Variants in CSMD3 observed in about 807,000 individuals in gnomAD.
CSMD3 encodes CUB and sushi domain-containing protein 3.
In CSMD3, 177 loss-of-function variants were observed where a neutral mutation model predicts 435.2. The ratio of observed to expected loss-of-function variants is 0.41; its 90% CI spans 0.36 to 0.46. The LOEUF is 0.46. Ranked by LOEUF, CSMD3 falls within the 20% of genes least tolerant of loss-of-function variation. CSMD3 has a pLI of 0.34. For synonymous variants in CSMD3, 1,656 were observed against 1,520.5 expected (o/e 1.09, Z -2.07); for missense variants, 4,265 against 4,504.6 (o/e 0.95, Z 1.52).
intron 14 of CSMD3, among the ~76,000 whole-genome samples, chr8:112,687,311 C>T (rs939349674): frequency 6.6e-6 from 1 of 151,854 alleles, no homozygotes; most frequent in Non-Finnish European, 1.5e-5. Flanking sequence ...AGATTTCTTA[C>T]TTTTGTTAGA....
At chr8:112,316,318 C>A (rs1183762560) in intron 47 of CSMD3, among the ~76,000 whole-genome samples, 1 of 151,532 alleles carries the variant, frequency 6.6e-6, no homozygotes, top group Non-Finnish European at 1.5e-5. Context: ...GGTATCAGGT[C>A]ATTCTTTCTC....
intron 10 of CSMD3, among the ~76,000 whole-genome samples, chr8:112,876,419 G>A (rs940769003): frequency 1.3e-5 from 2 of 152,152 alleles, no homozygotes; most frequent in Non-Finnish European, 2.9e-5. Context: ...GAAGATCGAT[G>A]TGAAAATTCT....
chr8:112,885,260 GA>G (rs1256251755), intron 10 of CSMD3, among the ~76,000 whole-genome samples: 1 of 151,446 alleles, frequency 6.6e-6, no homozygotes, highest in Non-Finnish European at 1.5e-5. Context: ...CCAAGTAGCA[GA>G]ATGACAGTAC....
At chr8:112,951,576 ATTG>A (rs1290753672) in intron 8 of CSMD3, among the ~76,000 whole-genome samples, 17 of 151,770 alleles carry the variant, frequency 1.1e-4, no homozygotes, top group African/African-American at 3.4e-4. Flanking sequence ...TCAACATTGT[ATTG>A]TTGTTTTTTA....
rs564570455 is a variant in CSMD3 at position 113,271,071 on chromosome 8, T to G, written c.514+7521A>C. On this transcript the variant is annotated intron_variant, in intron 3 of 70. Transcript: ENST00000297405. Reference sequence around the variant, plus strand: ...CAGAGGGATATTTTAGGGTATCTGGTAGAAGAAATTTCTAAGCAGCAAATC... The same window carrying G: ...CAGAGGGATATTTTAGGGTATCTGGGAGAAGAAATTTCTAAGCAGCAAATC... Among the ~76,000 whole-genome samples the G allele has an allele frequency of 3.3e-5, 5 of 151,990 alleles. No homozygotes were observed. The East Asian group carries it at 9.7e-4, about 29-fold the overall frequency.
At chr8:112,923,315 T>A (rs1207878348) in intron 9 of CSMD3, among the ~76,000 whole-genome samples, 3 of 152,122 alleles carry the variant, frequency 2.0e-5, no homozygotes, top group Non-Finnish European at 4.4e-5. Flanking sequence ...GAATAAAGGA[T>A]CACCTGTTTC....
At chr8:113,197,348 G>C (rs2092669567) in intron 3 of CSMD3, among the ~76,000 whole-genome samples, 1 of 150,230 alleles carries the variant, frequency 6.7e-6, no homozygotes. Context: ...TTTAGACTTG[G>C]GCCACATCAC....
chr8:113,091,384 G>A (rs950458111), intron 5 of CSMD3, among the ~76,000 whole-genome samples: 6 of 152,020 alleles, frequency 3.9e-5, no homozygotes, highest in African/African-American at 1.4e-4. Context: ...ATTCTGCACT[G>A]AAGCCATTGA....
chr8:113,165,637 A>G (rs2131851482), intron 4 of CSMD3, among the ~76,000 whole-genome samples: 1 of 152,302 alleles, frequency 6.6e-6, no homozygotes, highest in East Asian at 1.9e-4. Context: ...TCCATCGAAG[A>G]AATAAAAATC....
chr8:112,855,647 G>C (rs1326145618), intron 11 of CSMD3, among the ~76,000 whole-genome samples: 1 of 151,908 alleles, frequency 6.6e-6, no homozygotes, highest in Admixed American at 6.6e-5. Flanking sequence ...GATGATAGAT[G>C]ACAGATAGAT....
At chr8:113,160,961 T>C (rs2092027391) in intron 4 of CSMD3, among the ~76,000 whole-genome samples, 1 of 152,090 alleles carries the variant, frequency 6.6e-6, no homozygotes, top group Non-Finnish European at 1.5e-5. Flanking sequence ...TGCTAAAATT[T>C]ATGGGGAAGA....
chr8:112,488,430 T>C (rs1018248316), intron 31 of CSMD3, among the ~76,000 whole-genome samples: 1 of 152,212 alleles, frequency 6.6e-6, no homozygotes, highest in Non-Finnish European at 1.5e-5. Flanking sequence ...TCTAAGAGTC[T>C]GCAGAATATG....
chr8:112,839,331 C>T (rs535907339), intron 11 of CSMD3, among the ~76,000 whole-genome samples: 1 of 151,564 alleles, frequency 6.6e-6, no homozygotes, highest in African/African-American at 2.4e-5. Context: ...TGACAGATTA[C>T]ATAAAGCACT....
intron 1 of CSMD3, among the ~76,000 whole-genome samples, chr8:113,320,242 CTTATA>C (rs771803534): frequency 1.3e-5 from 2 of 151,918 alleles, no homozygotes; most frequent in South Asian, 2.1e-4. Context: ...TTCTAAATGC[CTTATA>C]TTATGTTTTT....
chr8:113,043,799 C>G (rs2087721541), intron 5 of CSMD3, among the ~76,000 whole-genome samples: 1 of 151,696 alleles, frequency 6.6e-6, no homozygotes, highest in Admixed American at 6.6e-5. Context: ...AATCATTGTT[C>G]TAGGCTTAAT....
At chr8:113,359,148 C>G (rs1273431116) in intron 1 of CSMD3, among the ~76,000 whole-genome samples, 1 of 152,078 alleles carries the variant, frequency 6.6e-6, no homozygotes, top group Non-Finnish European at 1.5e-5. Context: ...TAAGTTTGTA[C>G]GTTTGACCAA....
intron 19 of CSMD3, among the ~76,000 whole-genome samples, chr8:112,648,586 A>G (rs2075043637): frequency 6.6e-6 from 1 of 152,198 alleles, no homozygotes; most frequent in Admixed American, 6.5e-5. Flanking sequence ...TATGGAATAT[A>G]ACGTGAAATA....
At chr8:112,470,313 A>G (rs1027463933) in intron 32 of CSMD3, among the ~76,000 whole-genome samples, 2 of 152,128 alleles carry the variant, frequency 1.3e-5, no homozygotes, top group South Asian at 4.1e-4. Flanking sequence ...CGGGGGTGGA[A>G]GAGGGGATAG....
At chr8:112,776,588 T>C (rs566731355) in intron 13 of CSMD3, among the ~76,000 whole-genome samples, 32 of 151,872 alleles carry the variant, frequency 2.1e-4, no homozygotes, top group Non-Finnish European at 4.1e-4. Flanking sequence ...ATTAATCTTC[T>C]ATTTTCAGAT....
Sources: allele counts gnomAD v4.1 joint callset (sites outside exome capture counted in the v4.1 genomes callset), GRCh38; gene constraint gnomAD v4.1.1; transcripts MANE v1.5; gene names NCBI Gene and HGNC (gene_info 2026-07-23, HGNC 2026-07-21).